The following CEP295 variants were observed in gnomAD, a reference collection of about 807,000 sequenced individuals.
CEP295 encodes centrosomal protein of 295 kDa.
Under a neutral mutation model 291.6 loss-of-function variants are expected in CEP295, and 190 were observed. The ratio of observed to expected loss-of-function variants is 0.65; its 90% CI spans 0.58 to 0.73. The LOEUF is 0.73. Among genes scored for constraint, CEP295 ranks in the 30% least tolerant of loss-of-function variants. The pLI is 0.00. For synonymous variants in CEP295, 993 were observed against 1,038.8 expected, an observed-to-expected ratio of 0.96 and a Z score of 0.85; for missense variants, 2,863 against 2,949.4, an observed-to-expected ratio of 0.97 and a Z score of 0.68.
At chr11:93,716,536 G>T (rs1156578925) in intron 18 of CEP295, among the ~76,000 whole-genome samples, 2 of 152,228 alleles carry the variant, frequency 1.3e-5, no homozygotes, top group Non-Finnish European at 2.9e-5. Flanking sequence ...AGACCTTGGG[G>T]TGTATACAGG....
At chr11:93,723,792 C>G (rs1375762574) in intron 21 of CEP295, 2 of 157,878 alleles carry the variant, frequency 1.3e-5, no homozygotes, top group Non-Finnish European at 2.8e-5. Context: ...TTACATATGT[C>G]CTGTTGATCC....
At chr11:93,691,071 A>C (rs1951525662) in intron 10 of CEP295, among the ~76,000 whole-genome samples, 1 of 152,166 alleles carries the variant, frequency 6.6e-6, no homozygotes, top group Admixed American at 6.5e-5. Context: ...AGTACTTATT[A>C]CAATTTCTAA....
rs1161558705 is a variant in CEP295, at chr11:93,706,798, G to T, written c.5650G>T (p.Glu1884Ter). 6.4e-7 allele frequency: 1 copy of T among 1,550,428 alleles called. No homozygotes were observed. The highest frequency in any genetic ancestry group is 8.7e-7 in the Non-Finnish European group (1 of 1,146,382). The change falls in exon 18 of 30, where the codon GAA becomes TAA. Residue 1884 changes from glutamate (E) to a stop codon, truncating the protein, a stop_gained. Coordinates refer to ENST00000325212, the MANE Select transcript of CEP295 (RefSeq NM_033395.2). LOFTEE classifies it high-confidence loss of function. ...RDPLRVSISR[E>*]QSFFGSPLAH... ...CCCCCTGCGAGTCTCAATAAGCCGA[G>T]AACAAAGTTTCTTTGGGAGCCCACT... is the stretch of plus-strand genomic sequence containing the variant.
Position 93,675,562 on chromosome 11 carries a change from C to T in CEP295, c.529-9C>T, listed in dbSNP as rs1950646918. On this transcript the variant is annotated splice_polypyrimidine_tract_variant and intron_variant, in intron 5 of 29. Coordinates refer to ENST00000325212, the MANE Select transcript of CEP295 (RefSeq NM_033395.2). ...CTTTTAACCTATTTTTTTATGTTCT[C>T]TTTTCCAGAACATCGAAGTAAAAAG... The T allele has an allele frequency of 2.1e-6, 3 of 1,408,658 alleles. No homozygotes were observed. The highest frequency in any genetic ancestry group is 2.8e-6 in the Non-Finnish European group (3 of 1,053,382). 87.3% of individuals were successfully genotyped at this position (1,408,658 alleles called of 1,614,324 possible).
intron 3 of CEP295, 22 bp downstream of exon 3, chr11:93,667,829 T>G: frequency 6.8e-7 from 1 of 1,466,120 alleles, no homozygotes. Context: ...CTTATTTGAC[T>G]ACCCTGTTGT....
rs1361822716 is a variant in CEP295, at chr11:93,696,749, A to G, written c.1837A>G (p.Arg613Gly). 4 of 1,551,418 alleles carry G rather than the reference A, an allele frequency of 2.6e-6. No homozygotes were observed. The East Asian group carries it at 9.8e-5, about 38-fold the overall frequency. The change falls in exon 15 of 30, where the codon AGG (arginine) becomes GGG (glycine). Residue 613 changes from arginine (R) to glycine (G), a missense_variant. By Grantham distance (125) the Arg-to-Gly change is moderately radical (BLOSUM62 -2). This residue lies in a region of CEP295 where 2,295 missense variants were observed against 2,335.7 expected (regional missense o/e 0.98). Transcript: ENST00000325212. ...TGAATATCAAACTATGTTAAAAGGA[A>G]GGTGCCCATCGGTGTCAGCTCCATC... is the stretch of plus-strand genomic sequence containing the variant. Reference protein sequence around the residue: ...LLEYQTMLKGRCPSVSAPSLI... With the variant: ...LLEYQTMLKGGCPSVSAPSLI...
intron 7 of CEP295, among the ~76,000 whole-genome samples, chr11:93,682,315 C>G (rs1356957334): frequency 6.6e-6 from 1 of 152,130 alleles, no homozygotes; most frequent in African/African-American, 2.4e-5. Flanking sequence ...CCTCTGCCTC[C>G]TGGGTTCAAG....
Position 93,729,479 on chromosome 11 carries a change from T to C in CEP295, c.7348T>C (p.Tyr2450His). The C allele has an allele frequency of 6.4e-7, 1 of 1,551,962 alleles. No homozygotes were observed. The highest frequency in any genetic ancestry group is 1.4e-5 in the African/African-American group (1 of 73,174). ...TGTATCAGCAACAGAAGCCTCAGAT[T>C]ATCCAGCTGTATCAGAACTTTCCAT... is the stretch of plus-strand genomic sequence containing the variant. ...PLVSATEASDYPAVSELSIEK... is the reference protein window; with the variant it reads ...PLVSATEASDHPAVSELSIEK... Residue 2450 changes from tyrosine to histidine, a missense_variant, in exon 26 of 30, where the codon TAT (tyrosine) becomes CAT (histidine). Physicochemically the swap from Tyr to His is moderately conservative, Grantham distance 83 (BLOSUM62 2). Around this residue, in one of 3 missense-constraint regions of CEP295, gnomAD observed 2,295 missense variants for 2,335.7 expected, o/e 0.98. Coordinates refer to ENST00000325212, the MANE Select transcript of CEP295 (RefSeq NM_033395.2).
In CEP295 at chr11:93,684,012, C is replaced by A. The variant is rs1256222858; in HGVS notation, c.998C>A (p.Thr333Asn). 1 of 1,551,826 alleles carries A rather than the reference C, an allele frequency of 6.4e-7. No individual in the cohort carries two copies. Among genetic ancestry groups the A allele is most frequent in the Admixed American group, 2.0e-5 (1 of 51,010 alleles). Residue 333 changes from threonine (T) to asparagine (N), a missense_variant, in exon 9 of 30, where the codon ACT (threonine) becomes AAT (asparagine). Thr to Asn is a moderately conservative substitution (Grantham distance 65). Transcript: ENST00000325212. ...CACCTTGAACCAGAGCCCTTGCCCACTGTGACTAATCAGATCCAAGATGAA... is the reference window on the plus strand; with the variant it reads ...CACCTTGAACCAGAGCCCTTGCCCAATGTGACTAATCAGATCCAAGATGAA... ...ILHLEPEPLPTVTNQIQDEEL... is the reference protein window; with the variant it reads ...ILHLEPEPLPNVTNQIQDEEL...
intron 18 of CEP295, among the ~76,000 whole-genome samples, chr11:93,715,571 G>A (rs1057161424): frequency 6.6e-6 from 1 of 152,002 alleles, no homozygotes; most frequent in African/African-American, 2.4e-5. Flanking sequence ...TCTTCTCATA[G>A]CCATCACAGC....
Position 93,698,268 on chromosome 11 carries a change from A to C in CEP295, c.3356A>C (p.Glu1119Ala). Residue 1119 changes from glutamate (E) to alanine (A), a missense_variant, in exon 15 of 30, where the codon GAG becomes GCG. This residue lies in a region of CEP295 where 2,295 missense variants were observed against 2,335.7 expected (regional missense o/e 0.98). Coordinates refer to ENST00000325212, the MANE Select transcript of CEP295 (RefSeq NM_033395.2). ...SVASQASAKA[E>A]PRRIQELYLS... The stretch of plus-strand genomic sequence containing the variant: ...GCTTCACAAGCTTCTGCTAAAGCTG[A>C]GCCTAGGAGAATTCAGGAGCTTTAT... The C allele has an allele frequency of 6.4e-7, 1 of 1,551,858 alleles. No homozygotes were observed. Among genetic ancestry groups the C allele is most frequent in the South Asian group, 1.2e-5 (1 of 84,060 alleles).
rs1214498130 is a variant in CEP295, at chr11:93,698,569, A to G, written c.3657A>G (p.Glu1219=). Residue 1219 remains glutamate, a synonymous_variant, in exon 15 of 30, where the codon GAA becomes GAG. Transcript: ENST00000325212. ...TGGATGAATCTGAGAGATTCCAGGA[A>G]TGTATATCAATCAAGAGTGACAGTA... The part of the protein sequence containing the change: ...SQVDESERFQ[E]CISIKSDSTI... 4 of 1,552,096 alleles carry G rather than the reference A, an allele frequency of 2.6e-6. No individual in the cohort carries two copies. Among genetic ancestry groups the G allele is most frequent in the Non-Finnish European group, 3.5e-6 (4 of 1,147,114 alleles).
In CEP295 at chr11:93,697,263, C is replaced by G. The variant is rs1022289617; in HGVS notation, c.2351C>G (p.Ser784Cys). 37 of 1,551,750 alleles carry G rather than the reference C, an allele frequency of 2.4e-5. 1 individual carries two copies. The Middle Eastern group carries it at 5.0e-4, about 21-fold the overall frequency. Residue 784 changes from serine (S) to cysteine (C), a missense_variant, in exon 15 of 30, where the codon TCT becomes TGT. Ser to Cys is a moderately radical substitution (Grantham distance 112). Around this residue, in one of 3 missense-constraint regions of CEP295, gnomAD observed 2,295 missense variants for 2,335.7 expected, o/e 0.98. Transcript: ENST00000325212. Reference sequence around the variant, plus strand: ...ATATCTTACCATTTAACTGAACCTTCTTCATTTGTACCACTGGTACCTCAG... The same window carrying G: ...ATATCTTACCATTTAACTGAACCTTGTTCATTTGTACCACTGGTACCTCAG... The part of the protein sequence containing the change: ...ENISYHLTEP[S>C]SFVPLVPQHS...
intron 3 of CEP295, 150 bp downstream of exon 3, chr11:93,667,957 G>A: frequency 1.6e-6 from 1 of 608,734 alleles, no homozygotes. Context: ...TGTAATTTGT[G>A]AATAATAGGC....
chr11:93,727,741 T>C, intron 24 of CEP295, 104 bp downstream of exon 24: 3 of 926,058 alleles, frequency 3.2e-6, no homozygotes, highest in Non-Finnish European at 4.8e-6. Context: ...CTACCCAGGC[T>C]GAACTCAAAC....
chr11:93,663,291 A>G (rs940355490), intron 1 of CEP295, among the ~76,000 whole-genome samples: 1 of 152,158 alleles, frequency 6.6e-6, no homozygotes, highest in African/African-American at 2.4e-5. Flanking sequence ...ACCCATTGTT[A>G]CTTCCCTCCA....
At position 93,698,804 on chromosome 11, in the gene CEP295, C is replaced by T. The variant is rs1951982494; in HGVS notation, c.3892C>T (p.Leu1298Phe). ...TTCATTCATACCCCAGTTGGTACAG[C>T]TTTCATTTACTTCGTTAGCTTCAGC... ...SSSFIPQLVQ[L>F]SFTSLASAES... The change falls in exon 15 of 30, where the codon CTT becomes TTT. Residue 1298 changes from leucine (L) to phenylalanine (F), a missense_variant. Transcript: ENST00000325212. The T allele has an allele frequency of 6.4e-7, 1 of 1,551,588 alleles. No individual in the cohort carries two copies. The highest frequency in any genetic ancestry group is 2.4e-5 in the East Asian group (1 of 40,924).
chr11:93,701,729 G>A (rs560138818), intron 15 of CEP295, among the ~76,000 whole-genome samples: 27 of 148,748 alleles, frequency 1.8e-4, no homozygotes, highest in Non-Finnish European at 2.8e-4. Flanking sequence ...TCAGCCTCCC[G>A]GGTAGCTGGG....
intron 12 of CEP295, among the ~76,000 whole-genome samples, chr11:93,695,268 C>T (rs1951792339): frequency 6.6e-6 from 1 of 152,140 alleles, no homozygotes; most frequent in Admixed American, 6.5e-5. Flanking sequence ...TCTTTCTTTT[C>T]CTTCTGCCTT....
Sources: gnomAD v4.1 joint callset for allele counts (sites outside exome capture counted in the v4.1 genomes callset) on GRCh38, gnomAD v4.1.1 for gene constraint, gnomAD v4.1.1 regional missense constraint, MANE v1.5 for transcripts, NCBI Gene and HGNC (gene_info 2026-07-23, HGNC 2026-07-21) for gene names.